Variants in EGFR observed in about 807,000 individuals in gnomAD.
The protein encoded by EGFR is avian erythroblastic leukemia viral (v-erb-b) oncogene homolog.
A neutral mutation model predicts 143.0 loss-of-function variants in EGFR; 58 were observed. The ratio of observed to expected loss-of-function variants is 0.41; its 90% CI spans 0.33 to 0.50. The LOEUF (loss-of-function observed/expected upper bound fraction) is 0.50. EGFR is among the 20% of genes least tolerant of loss of function. EGFR has a pLI of 0.39. For missense variants in EGFR, 1,307 were observed against 1,579.0 expected (o/e 0.83, Z 2.92); for synonymous variants, 613 against 594.4 (o/e 1.03, Z -0.45).
At chr7:55,196,011 A>G (rs755995033) in intron 22 of EGFR, among the ~76,000 whole-genome samples, 2 of 151,976 alleles carry the variant, frequency 1.3e-5, no homozygotes, top group African/African-American at 4.8e-5. Flanking sequence ...TGGTAGAATG[A>G]TTTATATTCC....
intron 20 of EGFR, among the ~76,000 whole-genome samples, chr7:55,188,037 G>C (rs1442249036): frequency 6.6e-6 from 1 of 152,154 alleles, no homozygotes; most frequent in Non-Finnish European, 1.5e-5. Flanking sequence ...GGGTGATGGT[G>C]GTCTTGGTCT....
At chr7:55,019,551 C>T (rs1260792375) in intron 1 of EGFR, among the ~76,000 whole-genome samples, 186 bp downstream of exon 1, 1 of 152,090 alleles carries the variant, frequency 6.6e-6, no homozygotes, top group African/African-American at 2.4e-5. Flanking sequence ...CGTTCTTCGG[C>T]CGGGAGAGTC....
intron 1 of EGFR, among the ~76,000 whole-genome samples, chr7:55,081,265 T>C (rs1194659437): frequency 6.6e-6 from 1 of 152,210 alleles, no homozygotes; most frequent in Admixed American, 6.5e-5. Flanking sequence ...GGAACTGTAT[T>C]GTTTGGTACA....
intron 4 of EGFR, among the ~76,000 whole-genome samples, chr7:55,149,388 C>G (rs1035304914): frequency 6.6e-6 from 1 of 151,156 alleles, no homozygotes; most frequent in Non-Finnish European, 1.5e-5. Flanking sequence ...CGCACACATA[C>G]ACACACACAC....
intron 19 of EGFR, among the ~76,000 whole-genome samples, chr7:55,176,200 TA>T (rs1786583336): frequency 6.6e-6 from 1 of 152,206 alleles, no homozygotes; most frequent in Admixed American, 6.5e-5. Context: ...TCTAATAAAT[TA>T]TACAAAATCA....
rs760763801 is a variant in EGFR at position 55,181,486 on chromosome 7, G to A, written c.2469+8G>A. The stretch of plus-strand genomic sequence containing the variant: ...TGTGTGCAGATCGCAAAGGTAATCA[G>A]GGAAGGGAGATACGGGGAGGGGAGA... On this transcript the variant is annotated splice_region_variant and intron_variant, in intron 20 of 27. Transcript: ENST00000275493. 4 of 1,614,254 alleles carry A rather than the reference G, an allele frequency of 2.5e-6. No homozygotes were observed. Among genetic ancestry groups the A allele is most frequent in the Non-Finnish European group, 3.4e-6 (4 of 1,180,046 alleles).
At position 55,042,425 on chromosome 7, in the gene EGFR, G is replaced by A. The variant is rs545318203; in HGVS notation, c.88+23060G>A. ...CTAAATGAGGAACTACTTAAAGAAA[G>A]AAAATGGAATTTCACGGACAAGAAA... On this transcript the variant is annotated intron_variant, in intron 1 of 27. Transcript: ENST00000275493. Among the ~76,000 whole-genome samples the A allele has an allele frequency of 9.0e-4, 137 of 152,294 alleles. 1 individual carries two copies. The highest frequency in any genetic ancestry group is 2.9e-3 in the African/African-American group (119 of 41,568).
Position 55,161,651 on chromosome 7 carries a change from A to G in EGFR, c.1631+20A>G. On this transcript the variant is annotated intron_variant, in intron 13 of 27. Coordinates refer to ENST00000275493, the MANE Select transcript of EGFR (RefSeq NM_005228.5). ...GGAGGGGTAGGAGGTTATTTCTTTA[A>G]TCCCCTTGCGTTGATCAAAAATAAG... The G allele has an allele frequency of 6.2e-7, 1 of 1,614,166 alleles. No homozygotes were observed. Among genetic ancestry groups the G allele is most frequent in the African/African-American group, 1.3e-5 (1 of 75,050 alleles).
chr7:55,081,315 T>C (rs1398505375), intron 1 of EGFR, among the ~76,000 whole-genome samples: 1 of 152,194 alleles, frequency 6.6e-6, no homozygotes, highest in Non-Finnish European at 1.5e-5. Flanking sequence ...AGATACTCTA[T>C]TCTGTGGACG....
chr7:55,175,841 C>T (rs530081635), intron 19 of EGFR, among the ~76,000 whole-genome samples: 2 of 152,116 alleles, frequency 1.3e-5, no homozygotes, highest in South Asian at 4.1e-4. Context: ...AGGAAATCTA[C>T]AGTTTAATTT....
chr7:55,088,881 C>G (rs912468130), intron 1 of EGFR, among the ~76,000 whole-genome samples: 1 of 152,214 alleles, frequency 6.6e-6, no homozygotes, highest in Non-Finnish European at 1.5e-5. Context: ...TTTGTCTCTA[C>G]TTACTTATTT....
intron 19 of EGFR, chr7:55,180,960 CA>C: frequency 2.3e-6 from 1 of 438,650 alleles, no homozygotes; most frequent in Non-Finnish European, 4.2e-6. Flanking sequence ...GTCTTCATAA[CA>C]AAGATACTAT....
At chr7:55,159,925 G>T (rs1171736488) in intron 11 of EGFR, among the ~76,000 whole-genome samples, 1 of 152,152 alleles carries the variant, frequency 6.6e-6, no homozygotes, top group East Asian at 1.9e-4. Flanking sequence ...CTGGGTTAAA[G>T]ATACTAAATA....
intron 1 of EGFR, 28 bp from the exon 2 acceptor site, chr7:55,142,258 T>C (rs1247869756): frequency 6.2e-7 from 1 of 1,614,126 alleles, no homozygotes; most frequent in South Asian, 1.1e-5. Context: ...TCTCAGTATT[T>C]CATGTGATAT....
intron 1 of EGFR, among the ~76,000 whole-genome samples, chr7:55,070,862 G>T (rs1789781994): frequency 6.6e-6 from 1 of 152,220 alleles, no homozygotes; most frequent in Non-Finnish European, 1.5e-5. Flanking sequence ...AAAAAGGAAA[G>T]GAAGTGGAGC....
intron 15 of EGFR, among the ~76,000 whole-genome samples, chr7:55,169,440 G>A (rs1369590948): frequency 1.3e-5 from 2 of 152,034 alleles, no homozygotes; most frequent in African/African-American, 2.4e-5. Context: ...CATAGTACAC[G>A]GTGAGGAGAA....
At chr7:55,082,795 G>T (rs1436422672) in intron 1 of EGFR, among the ~76,000 whole-genome samples, 1 of 152,162 alleles carries the variant, frequency 6.6e-6, no homozygotes. Flanking sequence ...AGATTTATTT[G>T]CTTACAGCTC....
intron 1 of EGFR, among the ~76,000 whole-genome samples, chr7:55,088,441 C>G (rs1191506342): frequency 1.3e-5 from 2 of 152,236 alleles, no homozygotes; most frequent in Non-Finnish European, 2.9e-5. Context: ...TTGTGCAACT[C>G]CCTTTTGGTA....
intron 11 of EGFR, among the ~76,000 whole-genome samples, chr7:55,158,785 C>T (rs1008082597): frequency 2.6e-5 from 4 of 152,216 alleles, no homozygotes; most frequent in Non-Finnish European, 5.9e-5. Context: ...GCAAGGAAAA[C>T]CTGGCTCTGC....
Sources: allele counts gnomAD v4.1 joint callset (sites outside exome capture counted in the v4.1 genomes callset), GRCh38; gene constraint gnomAD v4.1.1; transcripts MANE v1.5; gene names NCBI Gene and HGNC (gene_info 2026-07-23, HGNC 2026-07-21).